The following C1orf21 variants were observed in gnomAD, a reference collection of about 807,000 sequenced individuals.
The protein encoded by C1orf21 is uncharacterized protein C1orf21.
In C1orf21, 3 loss-of-function variants were observed where a neutral mutation model predicts 18.7. That is an observed-to-expected ratio of 0.16 (90% CI 0.07 to 0.42). The LOEUF is 0.42. C1orf21 is among the 10% of genes least tolerant of loss of function. The pLI is 0.99. For synonymous variants in C1orf21, 41 were observed against 46.4 expected (o/e 0.88, Z 0.47); for missense variants, 104 against 143.6 (o/e 0.72, Z 1.41).
intron 1 of C1orf21, among the ~76,000 whole-genome samples, chr1:184,393,104 A>G (rs896344464): frequency 6.6e-6 from 1 of 151,976 alleles, no homozygotes; most frequent in Non-Finnish European, 1.5e-5. Context: ...CCACCGCAGC[A>G]TCAGCCACTG....
chr1:184,401,524 G>A (rs1486476586), intron 1 of C1orf21, among the ~76,000 whole-genome samples: 4 of 152,070 alleles, frequency 2.6e-5, no homozygotes, highest in Non-Finnish European at 5.9e-5. Context: ...ACGGCGCCCA[G>A]CCCCCTTTAT....
At chr1:184,544,875 T>G (rs1658706831) in intron 3 of C1orf21, among the ~76,000 whole-genome samples, 1 of 152,178 alleles carries the variant, frequency 6.6e-6, no homozygotes, top group Non-Finnish European at 1.5e-5. Flanking sequence ...TTGGGAGGCC[T>G]CAGTTCCTCA....
intron 2 of C1orf21, among the ~76,000 whole-genome samples, chr1:184,506,059 TG>T (rs1658056543): frequency 6.6e-6 from 1 of 152,188 alleles, no homozygotes; most frequent in African/African-American, 2.4e-5. Flanking sequence ...AGAATTCTTT[TG>T]TATTGTAATT....
intron 2 of C1orf21, among the ~76,000 whole-genome samples, chr1:184,483,452 C>A (rs1269727580): frequency 2.0e-5 from 3 of 152,196 alleles, no homozygotes; most frequent in Non-Finnish European, 4.4e-5. Context: ...AGCCCGCCCC[C>A]AAGTGGGGAG....
intron 3 of C1orf21, among the ~76,000 whole-genome samples, chr1:184,565,027 T>G (rs1659016237): frequency 1.3e-5 from 2 of 152,186 alleles, no homozygotes; most frequent in South Asian, 4.1e-4. Flanking sequence ...TCTCTAGACG[T>G]TAGTTACCAC....
chr1:184,591,934 A>T (rs1659444562), intron 4 of C1orf21, among the ~76,000 whole-genome samples: 1 of 152,200 alleles, frequency 6.6e-6, no homozygotes, highest in African/African-American at 2.4e-5. Flanking sequence ...TCTCATAAGG[A>T]TGAGGCAGTA....
intron 1 of C1orf21, among the ~76,000 whole-genome samples, chr1:184,417,809 T>C (rs1450807715): frequency 6.6e-6 from 1 of 152,236 alleles, no homozygotes; most frequent in Non-Finnish European, 1.5e-5. Context: ...TTTCTTATGC[T>C]GTATCTGGTG....
At chr1:184,423,682 C>T (rs1557968584) in intron 1 of C1orf21, among the ~76,000 whole-genome samples, 2 of 152,164 alleles carry the variant, frequency 1.3e-5, no homozygotes, top group Non-Finnish European at 2.9e-5. Context: ...GATGCCTGAA[C>T]ACACCAGGAA....
At chr1:184,574,303 G>A (rs115714733) in intron 3 of C1orf21, among the ~76,000 whole-genome samples, 3,496 of 152,320 alleles carry the variant, frequency 0.023, 126 homozygotes, top group African/African-American at 0.078. Context: ...AAACTCTGAT[G>A]TCAGATGCAT....
intron 5 of C1orf21, among the ~76,000 whole-genome samples, chr1:184,613,091 A>G (rs2102009620): frequency 6.6e-6 from 1 of 152,248 alleles, no homozygotes; most frequent in Middle Eastern, 3.4e-3. Flanking sequence ...CTGGGATTAC[A>G]GGCGCACGCC....
chr1:184,441,372 T>C (rs1015054295), intron 1 of C1orf21, among the ~76,000 whole-genome samples: 2 of 152,244 alleles, frequency 1.3e-5, no homozygotes, highest in Non-Finnish European at 2.9e-5. Context: ...GGCGAAGACC[T>C]GGTTTGTCCA....
chr1:184,539,310 T>C (rs1175950782), intron 3 of C1orf21, among the ~76,000 whole-genome samples: 1 of 152,226 alleles, frequency 6.6e-6, no homozygotes, highest in Non-Finnish European at 1.5e-5. Flanking sequence ...GATTTTTATA[T>C]GTTGAACCAT....
chr1:184,604,253 A>G (rs1659621757), intron 5 of C1orf21, among the ~76,000 whole-genome samples: 1 of 152,308 alleles, frequency 6.6e-6, no homozygotes, highest in African/African-American at 2.4e-5. Flanking sequence ...GTGCCCACCA[A>G]TGATAAGAAA....
rs116525139 is a variant in C1orf21 at position 184,574,793 on chromosome 1, C to T, written c.190-15946C>T. On this transcript the variant is annotated intron_variant, in intron 3 of 5. Transcript: ENST00000235307. ...GTGAAAGAGTCTCAGAGGGAAGAGC[C>T]GTGAGAGCAGCAGGGGATGTGGCTC... Among the ~76,000 whole-genome samples the T allele has an allele frequency of 5.6e-3, 857 of 152,232 alleles. 9 individuals are homozygous for T. Among genetic ancestry groups the T allele is most frequent in the African/African-American group, 0.02 (816 of 41,520 alleles).
intron 3 of C1orf21, among the ~76,000 whole-genome samples, chr1:184,515,418 C>T (rs2101967037): frequency 6.6e-6 from 1 of 152,260 alleles, no homozygotes; most frequent in African/African-American, 2.4e-5. Flanking sequence ...TTAGTCATCT[C>T]TGAAGTCTGA....
chr1:184,598,442 T>A lies in C1orf21; in HGVS notation c.308T>A (p.Leu103Gln). The A allele has an allele frequency of 1.2e-6, 2 of 1,613,696 alleles. No homozygotes were observed. Among genetic ancestry groups the A allele is most frequent in the Non-Finnish European group, 1.7e-6 (2 of 1,179,852 alleles). The change falls in exon 5 of 6, where the codon CTG (leucine) becomes CAG (glutamine). Residue 103 changes from leucine (L) to glutamine (Q), a missense_variant. Physicochemically the swap from Leu to Gln is moderately radical, Grantham distance 113. Coordinates refer to ENST00000235307, the MANE Select transcript of C1orf21 (RefSeq NM_030806.4). ...AGCCAACAAGAATTCTTCAGAATGC[T>A]GGATGAAAAAATTGAAAAGGTAAGA... ...SESQQEFFRM[L>Q]DEKIEKGRDY...
chr1:184,512,956 G>T (rs1393931358), intron 3 of C1orf21, among the ~76,000 whole-genome samples: 1 of 152,210 alleles, frequency 6.6e-6, no homozygotes, highest in Non-Finnish European at 1.5e-5. Flanking sequence ...ATCAGCAGTG[G>T]CATGAGATTC....
rs3034460 is a variant in C1orf21, at chr1:184,484,884, C to CTGTGTGTGTGTG, written c.94+7308_94+7319dup. 1.7e-3 allele frequency among the ~76,000 whole-genome samples: 255 copies of CTGTGTGTGTGTG among 146,084 alleles called. 1 individual carries two copies. Among genetic ancestry groups the CTGTGTGTGTGTG allele is most frequent in the African/African-American group, 3.2e-3 (127 of 39,604 alleles). On this transcript the variant is annotated intron_variant, in intron 2 of 5. Coordinates refer to ENST00000235307, the MANE Select transcript of C1orf21 (RefSeq NM_030806.4). ...GAGAGCATATAACAGATGCTTGTGG[C>CTGTGTGTGTGTG]TGTGTGTGTGTGTGTGTGTGTGTGT...
At chr1:184,604,355 G>A (rs1305309505) in intron 5 of C1orf21, among the ~76,000 whole-genome samples, 1 of 152,154 alleles carries the variant, frequency 6.6e-6, no homozygotes, top group African/African-American at 2.4e-5. Flanking sequence ...CCACCCAGCA[G>A]GTTGTCACTT....
Sources: allele counts gnomAD v4.1 joint callset (sites outside exome capture counted in the v4.1 genomes callset), GRCh38; gene constraint gnomAD v4.1.1; transcripts MANE v1.5; gene names NCBI Gene and HGNC (gene_info 2026-07-23, HGNC 2026-07-21).